Variants in TAFA1 observed in about 807,000 individuals in gnomAD.
The protein encoded by TAFA1 is TAFA chemokine like family member 1.
TAFA1 carries 4 observed loss-of-function variants against 18.5 expected under a neutral mutation model. The ratio of observed to expected loss-of-function variants is 0.22; its 90% CI spans 0.11 to 0.49. The LOEUF is 0.49. Among genes scored for constraint, TAFA1 ranks in the 20% least tolerant of loss-of-function variants. TAFA1 has a pLI of 0.98. For synonymous variants in TAFA1, 56 were observed against 55.2 expected (o/e 1.01, Z -0.06); for missense variants, 147 against 169.0 (o/e 0.87, Z 0.72).
chr3:68,008,409 C>T (rs1704406494), intron 2 of TAFA1, among the ~76,000 whole-genome samples: 1 of 152,208 alleles, frequency 6.6e-6, no homozygotes, highest in Non-Finnish European at 1.5e-5. Flanking sequence ...AATAAGAATT[C>T]ATAATAAAAA....
chr3:68,076,470 C>A (rs1354132509), intron 2 of TAFA1, among the ~76,000 whole-genome samples: 3 of 134,640 alleles, frequency 2.2e-5, no homozygotes, highest in Non-Finnish European at 4.8e-5. Context: ...CCCCCACCCC[C>A]CACCAGTCCC....
chr3:68,302,360 G>T (rs2068320074), intron 2 of TAFA1, among the ~76,000 whole-genome samples: 1 of 151,928 alleles, frequency 6.6e-6, no homozygotes, highest in African/African-American at 2.4e-5. Flanking sequence ...GTCCAGAATG[G>T]CACTTCCCAC....
intron 3 of TAFA1, among the ~76,000 whole-genome samples, chr3:68,538,066 CAT>C (rs1341774852): frequency 6.6e-6 from 1 of 151,974 alleles, no homozygotes. Flanking sequence ...AAACAGTTCT[CAT>C]GTGCTAAGTC....
At chr3:68,362,638 G>A (rs7617495) in intron 2 of TAFA1, among the ~76,000 whole-genome samples, 16,399 of 152,096 alleles carry the variant, frequency 0.11, 1,059 homozygotes, top group East Asian at 0.26. Context: ...GAATGGAGTG[G>A]AAATGCAGTT....
chr3:68,142,403 C>A (rs1056528865), intron 2 of TAFA1, among the ~76,000 whole-genome samples: 1 of 152,160 alleles, frequency 6.6e-6, no homozygotes, highest in African/African-American at 2.4e-5. Context: ...CATTAAAGGA[C>A]GCCTTTCATC....
chr3:68,047,373 A>G (rs909579775), intron 2 of TAFA1, among the ~76,000 whole-genome samples: 3 of 152,202 alleles, frequency 2.0e-5, no homozygotes, highest in African/African-American at 7.2e-5. Flanking sequence ...AAATGCATAA[A>G]TTCAAGAAGG....
intron 3 of TAFA1, among the ~76,000 whole-genome samples, chr3:68,445,395 C>A (rs1469027078): frequency 6.6e-6 from 1 of 152,104 alleles, no homozygotes. Context: ...GGATTATCTA[C>A]TTTACAAGAA....
At position 68,306,011 on chromosome 3, in the gene TAFA1, T is replaced by C. The variant is rs1475511333; in HGVS notation, c.119-111269T>C. Reference sequence around the variant, plus strand: ...AAAACAGTGAATTGGAGTAAGTTACTAATGAATACCCTTTGGTGATTGAAA... The same window carrying C: ...AAAACAGTGAATTGGAGTAAGTTACCAATGAATACCCTTTGGTGATTGAAA... On this transcript the variant is annotated intron_variant, in intron 2 of 4. Transcript: ENST00000478136. Among the ~76,000 whole-genome samples the C allele has an allele frequency of 5.9e-5, 9 of 152,212 alleles. No individual in the cohort carries two copies. The East Asian group carries it at 1.7e-3, about 29-fold the overall frequency.
At chr3:68,125,859 A>G (rs1258324333) in intron 2 of TAFA1, among the ~76,000 whole-genome samples, 1 of 152,122 alleles carries the variant, frequency 6.6e-6, no homozygotes, top group Non-Finnish European at 1.5e-5. Flanking sequence ...GTGTAAGGGC[A>G]GCCCCAATGC....
At chr3:68,507,229 C>A (rs954206883) in intron 3 of TAFA1, among the ~76,000 whole-genome samples, 2 of 151,990 alleles carry the variant, frequency 1.3e-5, no homozygotes, top group Non-Finnish European at 2.9e-5. Context: ...CATAGAGCCA[C>A]CACTGGGCCC....
At chr3:68,327,620 T>C (rs1374379001) in intron 2 of TAFA1, among the ~76,000 whole-genome samples, 2 of 152,184 alleles carry the variant, frequency 1.3e-5, no homozygotes, top group Admixed American at 6.5e-5. Context: ...GAAGATTAGA[T>C]GGGTCAATTC....
At chr3:68,195,328 C>A (rs1451272110) in intron 2 of TAFA1, among the ~76,000 whole-genome samples, 1 of 147,808 alleles carries the variant, frequency 6.8e-6, no homozygotes, top group Non-Finnish European at 1.5e-5. Context: ...CTACCCCTAC[C>A]CCTGGTAGAC....
intron 2 of TAFA1, among the ~76,000 whole-genome samples, chr3:68,073,101 G>A (rs748153639): frequency 6.6e-6 from 1 of 152,078 alleles, no homozygotes; most frequent in Non-Finnish European, 1.5e-5. Context: ...TTCAAGACAG[G>A]CTATCCTTAT....
intron 2 of TAFA1, among the ~76,000 whole-genome samples, chr3:68,137,613 G>A (rs1273259586): frequency 6.6e-6 from 1 of 152,152 alleles, no homozygotes; most frequent in Non-Finnish European, 1.5e-5. Flanking sequence ...CTAGGTTTGA[G>A]TGAAGTAGAA....
intron 3 of TAFA1, among the ~76,000 whole-genome samples, chr3:68,496,948 C>T (rs1264013792): frequency 6.6e-6 from 1 of 152,156 alleles, no homozygotes; most frequent in Non-Finnish European, 1.5e-5. Flanking sequence ...GCTACTGCTA[C>T]TGCTGTTGTT....
At chr3:68,281,543 C>T (rs1340176085) in intron 2 of TAFA1, among the ~76,000 whole-genome samples, 1 of 147,822 alleles carries the variant, frequency 6.8e-6, no homozygotes, top group Non-Finnish European at 1.5e-5. Flanking sequence ...GATCTCGGCT[C>T]ACTGCAACCT....
chr3:68,185,479 T>G (rs1277686162), intron 2 of TAFA1, among the ~76,000 whole-genome samples: 1 of 152,182 alleles, frequency 6.6e-6, no homozygotes, highest in African/African-American at 2.4e-5. Context: ...AGAGTACAGC[T>G]TGTACTGTTA....
chr3:68,259,886 G>C (rs1334680507), intron 2 of TAFA1, among the ~76,000 whole-genome samples: 1 of 149,970 alleles, frequency 6.7e-6, no homozygotes, highest in Non-Finnish European at 1.5e-5. Context: ...TCTGCAAACA[G>C]GGACAATTTG....
intron 3 of TAFA1, among the ~76,000 whole-genome samples, chr3:68,503,402 A>C (rs562841765): frequency 6.6e-6 from 1 of 152,184 alleles, no homozygotes; most frequent in African/African-American, 2.4e-5. Context: ...AACTTGAAAA[A>C]CCTGCTATGT....
Sources: gnomAD v4.1 joint callset for allele counts (sites outside exome capture counted in the v4.1 genomes callset) on GRCh38, gnomAD v4.1.1 for gene constraint, MANE v1.5 for transcripts, NCBI Gene and HGNC (gene_info 2026-07-23, HGNC 2026-07-21) for gene names.